The following DCC variants were observed in gnomAD, a reference collection of about 807,000 sequenced individuals.
DCC encodes the protein DCC netrin 1 receptor.
Under a neutral mutation model 172.5 loss-of-function variants are expected in DCC, and 58 were observed. The observed-to-expected ratio is 0.34, with a 90% CI of 0.27 to 0.42. The LOEUF (loss-of-function observed/expected upper bound fraction) is 0.42, where lower values mean the gene tolerates loss of function less well. Ranked by LOEUF, DCC falls within the 10% of genes least tolerant of loss-of-function variation. The pLI is 1.00. For synonymous variants in DCC, 709 were observed against 644.5 expected (o/e 1.10, Z -1.52); for missense variants, 1,740 against 1,791.0 (o/e 0.97, Z 0.51).
chr18:52,960,110 ACAC>A (rs1273264564), intron 5 of DCC, among the ~76,000 whole-genome samples: 2 of 152,076 alleles, frequency 1.3e-5, no homozygotes, highest in Non-Finnish European at 2.9e-5. Context: ...ACACGCACAC[ACAC>A]AATATAGCTA....
At chr18:52,501,742 T>G (rs2031029643) in intron 1 of DCC, among the ~76,000 whole-genome samples, 2 of 152,162 alleles carry the variant, frequency 1.3e-5, no homozygotes, top group African/African-American at 4.8e-5. Flanking sequence ...TGTCAAAATT[T>G]CTGAGTGGAT....
At chr18:52,567,064 G>A (rs376074198) in intron 1 of DCC, among the ~76,000 whole-genome samples, 6 of 152,006 alleles carry the variant, frequency 3.9e-5, no homozygotes, top group Non-Finnish European at 5.9e-5. Context: ...CTTAAGTACC[G>A]ATTGTTATTA....
At chr18:53,295,513 G>A (rs2057056102) in intron 12 of DCC, among the ~76,000 whole-genome samples, 1 of 151,626 alleles carries the variant, frequency 6.6e-6, no homozygotes. Context: ...ATGTTTTCAG[G>A]ATCTATAGAA....
intron 1 of DCC, among the ~76,000 whole-genome samples, chr18:52,582,488 T>C (rs2033572304): frequency 1.3e-5 from 2 of 152,210 alleles, no homozygotes; most frequent in African/African-American, 4.8e-5. Flanking sequence ...TCTTGGTTTA[T>C]AGTAGCAAAC....
intron 1 of DCC, among the ~76,000 whole-genome samples, chr18:52,741,262 G>A (rs1400889765): frequency 6.6e-6 from 1 of 152,070 alleles, no homozygotes; most frequent in Non-Finnish European, 1.5e-5. Flanking sequence ...GACCTCTACT[G>A]CAATACCTTA....
chr18:53,384,267 G>GTTC (rs1907976482), intron 15 of DCC, among the ~76,000 whole-genome samples: 1 of 151,998 alleles, frequency 6.6e-6, no homozygotes. Flanking sequence ...CTTATGTTGA[G>GTTC]TATCTAAAGT....
rs1415913667 is a variant in DCC at position 53,468,025 on chromosome 18, G to A, written c.3736+15G>A. ...CAACAATCCTGGTGAGTCAATATTG[G>A]TGCCACAATGAAGAAATGAAATGCT... On this transcript the variant is annotated intron_variant, in intron 25 of 28. Transcript: ENST00000442544. 5 of 1,169,830 alleles carry A rather than the reference G, an allele frequency of 4.3e-6. No individual in the cohort carries two copies. Among genetic ancestry groups the A allele is most frequent in the Non-Finnish European group, 6.5e-6 (5 of 774,296 alleles). The allele number at this position is 1,169,830 out of a possible 1,614,324, so 72.5% of individuals were successfully genotyped here.
chr18:53,000,542 T>C (rs916592779), intron 5 of DCC, among the ~76,000 whole-genome samples: 1 of 152,032 alleles, frequency 6.6e-6, no homozygotes, highest in Non-Finnish European at 1.5e-5. Flanking sequence ...GATCCTGTTT[T>C]TAATGCTGAG....
intron 1 of DCC, among the ~76,000 whole-genome samples, chr18:52,405,931 G>A (rs1253818469): frequency 6.6e-6 from 1 of 151,792 alleles, no homozygotes; most frequent in African/African-American, 2.4e-5. Context: ...ATACTACAAG[G>A]CTACAGTAAC....
intron 7 of DCC, among the ~76,000 whole-genome samples, chr18:53,134,872 G>A (rs1406235720): frequency 1.3e-5 from 2 of 152,112 alleles, no homozygotes; most frequent in South Asian, 2.1e-4. Flanking sequence ...AATGACAGGA[G>A]ACAAACTGGA....
At chr18:53,036,674 A>C (rs1236163210) in intron 5 of DCC, among the ~76,000 whole-genome samples, 1 of 152,054 alleles carries the variant, frequency 6.6e-6, no homozygotes. Context: ...GATAGGTAGC[A>C]TAGGTAGCTG....
chr18:53,283,908 T>C (rs1476219432), intron 12 of DCC, among the ~76,000 whole-genome samples: 1 of 28,180 alleles, frequency 3.5e-5, no homozygotes, highest in African/African-American at 1.4e-4. Context: ...TCTAGGGAGC[T>C]AAAAAACAAA....
intron 1 of DCC, among the ~76,000 whole-genome samples, chr18:52,612,300 C>T (rs1448651585): frequency 1.3e-5 from 2 of 152,226 alleles, no homozygotes; most frequent in Admixed American, 6.5e-5. Flanking sequence ...CTCATCTCTC[C>T]CCCCATCCCC....
intron 15 of DCC, among the ~76,000 whole-genome samples, chr18:53,346,518 T>C (rs992838965): frequency 1.3e-5 from 2 of 152,174 alleles, no homozygotes; most frequent in African/African-American, 2.4e-5. Flanking sequence ...TTTATCCTGT[T>C]CTATTATCAT....
intron 2 of DCC, among the ~76,000 whole-genome samples, chr18:52,769,688 CTA>C (rs113988933): frequency 6.6e-4 from 101 of 152,234 alleles, no homozygotes; most frequent in African/African-American, 2.4e-3. Context: ...AGACTTTCTT[CTA>C]TGTTTTCTTC....
chr18:52,606,782 CAT>C (rs750793746), intron 1 of DCC, among the ~76,000 whole-genome samples: 23 of 152,046 alleles, frequency 1.5e-4, no homozygotes, highest in Non-Finnish European at 2.2e-4. Context: ...ATGAGAGTAA[CAT>C]GTGGGGAAGA....
At chr18:53,355,124 A>G (rs959218359) in intron 15 of DCC, among the ~76,000 whole-genome samples, 4 of 151,978 alleles carry the variant, frequency 2.6e-5, no homozygotes, top group Admixed American at 1.3e-4. Flanking sequence ...GTTCTGTTCC[A>G]TTGATCTATA....
chr18:52,501,393 A>T (rs2144627314), intron 1 of DCC, among the ~76,000 whole-genome samples: 1 of 152,300 alleles, frequency 6.6e-6, no homozygotes, highest in South Asian at 2.1e-4. Flanking sequence ...ATCTCTGTGC[A>T]CACCTTATAT....
At chr18:52,580,047 G>A (rs111335291) in intron 1 of DCC, among the ~76,000 whole-genome samples, 3,109 of 152,252 alleles carry the variant, frequency 0.02, 110 homozygotes, top group African/African-American at 0.068. Flanking sequence ...CCTTTCTTTC[G>A]GGGAGGGAAT....
Sources: allele counts gnomAD v4.1 joint callset (sites outside exome capture counted in the v4.1 genomes callset), GRCh38; gene constraint gnomAD v4.1.1; transcripts MANE v1.5; gene names NCBI Gene and HGNC (gene_info 2026-07-23, HGNC 2026-07-21).